The following MYOM2 variants were observed in gnomAD, a reference collection of about 807,000 sequenced individuals.
The protein encoded by MYOM2 is myomesin 2.
A neutral mutation model predicts 187.6 loss-of-function variants in MYOM2; 254 were observed. That is an observed-to-expected ratio of 1.35 (90% confidence interval 1.22 to 1.50). The LOEUF (loss-of-function observed/expected upper bound fraction) is 1.50. Among genes scored for constraint, MYOM2 ranks in the 40% most tolerant of loss-of-function variants. MYOM2 has a pLI of 0.00. For missense variants in MYOM2, 2,796 were observed against 1,924.0 expected, an observed-to-expected ratio of 1.45 and a Z score of -8.48; for synonymous variants, 981 against 753.8, an observed-to-expected ratio of 1.30 and a Z score of -4.94.
chr8:2,096,937 A>G (rs1027582842), intron 18 of MYOM2: 2 of 168,912 alleles, frequency 1.2e-5, no homozygotes, highest in Non-Finnish European at 2.4e-5. Context: ...TGGCAAGGAC[A>G]TCGACTTGGA....
At position 2,109,537 on chromosome 8, in the gene MYOM2, T is replaced by A. The variant is rs1563061940; in HGVS notation, c.3180+6T>A. 6.2e-7 allele frequency: 1 copy of A among 1,606,244 alleles called. No individual in the cohort carries two copies. The highest frequency in any genetic ancestry group is 1.3e-5 in the African/African-American group (1 of 74,438). On this transcript the variant is annotated splice_donor_region_variant and intron_variant, in intron 25 of 36. Transcript: ENST00000262113. ...GAGAAGTCTCTGACAGCGAGGTGAG[T>A]TCCTGTGTGAGTGATCTCTGGCTTT...
rs1379965061 is a variant in MYOM2, at chr8:2,069,362, G to C, written c.738G>C (p.Val246=). 1.2e-6 allele frequency: 2 copies of C among 1,614,022 alleles called. No homozygotes were observed. The highest frequency in any genetic ancestry group is 3.3e-5 in the Admixed American group (2 of 60,026). The part of the protein sequence containing the change: ...GQVSTNAAVV[V]RRFRGDEEPF... ...TGTCCACCAACGCGGCGGTGGTGGTGAGAAGTGAGTGCCGGGTGGGCTTTC... is the reference window on the plus strand; with the variant it reads ...TGTCCACCAACGCGGCGGTGGTGGTCAGAAGTGAGTGCCGGGTGGGCTTTC... The change falls in exon 7 of 37, where the codon GTG becomes GTC. Residue 246 remains valine (V), a synonymous_variant. Coordinates refer to ENST00000262113, the MANE Select transcript of MYOM2 (RefSeq NM_003970.4).
chr8:2,120,067 A>G (rs753791677), intron 28 of MYOM2, among the ~76,000 whole-genome samples: 10 of 152,084 alleles, frequency 6.6e-5, no homozygotes, highest in African/African-American at 9.7e-5. Context: ...GCTCCTTATT[A>G]AGAATGGAAA....
At chr8:2,134,700 G>A (rs1443166056) in intron 32 of MYOM2, among the ~76,000 whole-genome samples, 1 of 152,196 alleles carries the variant, frequency 6.6e-6, no homozygotes, top group Non-Finnish European at 1.5e-5. Context: ...TGTTCTGTGA[G>A]CTGTTACTTT....
In MYOM2 at chr8:2,115,988, C is replaced by A; in HGVS notation, c.3209C>A (p.Thr1070Asn). ...CACAGAATTAAATGTGACAAAGCTA[C>A]TGGCATTATTGAGATGGTGATGGAT... The part of the protein sequence containing the change: ...EIHRIKCDKA[T>N]GIIEMVMDRF... Residue 1070 changes from threonine (T) to asparagine (N), a missense_variant, in exon 26 of 37, where the codon ACT (threonine) becomes AAT (asparagine). Coordinates refer to ENST00000262113, the MANE Select transcript of MYOM2 (RefSeq NM_003970.4). 1 of 1,613,960 alleles carries A rather than the reference C, an allele frequency of 6.2e-7. No individual in the cohort carries two copies. Among genetic ancestry groups the A allele is most frequent in the Non-Finnish European group, 8.5e-7 (1 of 1,179,966 alleles).
intron 6 of MYOM2, among the ~76,000 whole-genome samples, chr8:2,064,324 G>A (rs1818943471): frequency 6.6e-6 from 1 of 152,178 alleles, no homozygotes; most frequent in Admixed American, 6.5e-5. Flanking sequence ...ATGAAACAAG[G>A]TCGAAAGAGA....
intron 6 of MYOM2, 43 bp downstream of exon 6, chr8:2,059,288 C>T: frequency 6.4e-7 from 1 of 1,558,320 alleles, no homozygotes; most frequent in Non-Finnish European, 8.8e-7. Flanking sequence ...GTCCAGTAAT[C>T]AGCATTGCAG....
chr8:2,087,818 G>A (rs1405324490), intron 14 of MYOM2, among the ~76,000 whole-genome samples: 8 of 151,968 alleles, frequency 5.3e-5, no homozygotes, highest in South Asian at 2.1e-4. Context: ...ACGAGGTCTC[G>A]CCATGTTGCC....
chr8:2,092,333 C>G lies in MYOM2; in HGVS notation c.1829-13C>G, dbSNP rs1432724077. 1.2e-6 allele frequency: 2 copies of G among 1,612,562 alleles called. No homozygotes were observed. Among genetic ancestry groups the G allele is most frequent in the Admixed American group, 1.7e-5 (1 of 59,932 alleles). On this transcript the variant is annotated splice_polypyrimidine_tract_variant and intron_variant, in intron 15 of 36. Transcript: ENST00000262113. ...GATGCCATTTCACCACTCCTTTTGT[C>G]TCCTACGAAAAGTTGTCCCTTCTGC...
chr8:2,111,167 C>T (rs977750681), intron 25 of MYOM2, among the ~76,000 whole-genome samples: 21 of 152,148 alleles, frequency 1.4e-4, no homozygotes, highest in African/African-American at 4.6e-4. Context: ...AGGATGGGTG[C>T]CCTGGCTTCA....
At position 2,124,211 on chromosome 8, in the gene MYOM2, G is replaced by A. The variant is rs1174438147; in HGVS notation, c.3688G>A (p.Val1230Ile). The A allele has an allele frequency of 2.5e-6, 4 of 1,612,566 alleles. No homozygotes were observed. The African/African-American group carries it at 4.0e-5, about 16-fold the overall frequency. Residue 1230 changes from valine to isoleucine, a missense_variant, in exon 31 of 37, where the codon GTC becomes ATC. Val to Ile is a conservative substitution (Grantham distance 29, BLOSUM62 3). Coordinates refer to ENST00000262113, the MANE Select transcript of MYOM2 (RefSeq NM_003970.4). ...TGATATGATTTTGGCAATGAGTAGA[G>A]TCTGTGGTAAGTAAATGCCTTTTAA... is the stretch of plus-strand genomic sequence containing the variant. ...YDDMILAMSR[V>I]CGKSASPLKV...
chr8:2,046,781 G>T (rs570420997), intron 1 of MYOM2, among the ~76,000 whole-genome samples: 1 of 150,904 alleles, frequency 6.6e-6, no homozygotes, highest in African/African-American at 2.4e-5. Context: ...GTGTGTGTAG[G>T]GGGTATTTAA....
intron 19 of MYOM2, among the ~76,000 whole-genome samples, chr8:2,100,029 CTTCT>C (rs1259033507): frequency 1.4e-5 from 1 of 69,146 alleles, no homozygotes; most frequent in African/African-American, 3.8e-5. Flanking sequence ...TCCTTCCTTC[CTTCT>C]TTCCTTCCTT....
Position 2,072,382 on chromosome 8 carries a change from C to T in MYOM2, c.831C>T (p.Asp277=), listed in dbSNP as rs749365756. Residue 277 remains aspartate, a synonymous_variant, in exon 9 of 37, where the codon GAC becomes GAT. Transcript: ENST00000262113. ...LSSMIPYTHF[D]VQFLEKFGVT... ...CGATGATTCCGTACACGCACTTCGA[C>T]GTCCAGTTTTTGGAGAAGTTTGGGG... 1.3e-5 allele frequency: 21 copies of T among 1,614,050 alleles called. No homozygotes were observed. Among genetic ancestry groups the T allele is most frequent in the Non-Finnish European group, 1.5e-5 (18 of 1,180,044 alleles).
intron 28 of MYOM2, among the ~76,000 whole-genome samples, chr8:2,122,382 G>A (rs1489869786): frequency 3.9e-5 from 6 of 152,184 alleles, no homozygotes; most frequent in Non-Finnish European, 8.8e-5. Flanking sequence ...CATGCACTTG[G>A]GGACAAGTGT....
chr8:2,065,310 C>T (rs745473412), intron 6 of MYOM2, among the ~76,000 whole-genome samples: 1 of 152,180 alleles, frequency 6.6e-6, no homozygotes, highest in Non-Finnish European at 1.5e-5. Context: ...GTGGCTCATG[C>T]CTGTAATCCC....
chr8:2,057,918 T>C (rs978341435), intron 5 of MYOM2, 138 bp downstream of exon 5: 8 of 861,824 alleles, frequency 9.3e-6, no homozygotes, highest in East Asian at 2.8e-5. Context: ...AATATGTTTA[T>C]AGAAGCTCTG....
intron 3 of MYOM2, among the ~76,000 whole-genome samples, chr8:2,055,265 A>T (rs1053542268): frequency 6.6e-5 from 10 of 152,164 alleles, no homozygotes; most frequent in Non-Finnish European, 8.8e-5. Context: ...GCATGTGCTT[A>T]TAGAGGTGGC....
chr8:2,136,259 C>T (rs1798066948), intron 32 of MYOM2, among the ~76,000 whole-genome samples: 1 of 152,190 alleles, frequency 6.6e-6, no homozygotes, highest in African/African-American at 2.4e-5. Flanking sequence ...GGGTAGCGTC[C>T]CAGCTGCAGG....
Sources: gnomAD v4.1 joint callset for allele counts (sites outside exome capture counted in the v4.1 genomes callset) on GRCh38, gnomAD v4.1.1 for gene constraint, MANE v1.5 for transcripts, NCBI Gene and HGNC (gene_info 2026-07-23, HGNC 2026-07-21) for gene names.